Variants in TMCC1 observed in about 807,000 individuals in gnomAD.
TMCC1 encodes the protein transmembrane and coiled-coil domain family 1.
A neutral mutation model predicts 52.4 loss-of-function variants in TMCC1; 15 were observed. The observed-to-expected ratio is 0.29, with a 90% CI of 0.19 to 0.44. TMCC1 has a LOEUF of 0.44. TMCC1 is among the 20% of genes least tolerant of loss of function. The pLI, the probability that TMCC1 is intolerant of heterozygous loss-of-function variation, is 1.00. For missense variants in TMCC1, 503 were observed against 806.0 expected (o/e 0.62, Z 4.55); for synonymous variants, 279 against 301.9 (o/e 0.92, Z 0.79).
Position 129,651,486 on chromosome 3 carries a change from T to C in TMCC1, c.1957A>G (p.Arg653Gly). 6.2e-7 allele frequency: 1 copy of C among 1,613,156 alleles called. No individual in the cohort carries two copies. The highest frequency in any genetic ancestry group is 1.1e-5 in the South Asian group (1 of 91,012). The change falls in exon 7 of 7, where the codon AGA becomes GGA. Residue 653 changes from arginine (R) to glycine (G), a missense_variant. Arg to Gly is a moderately radical substitution (Grantham distance 125). Coordinates refer to ENST00000393238, the MANE Select transcript of TMCC1 (RefSeq NM_001017395.5). The surrounding 1 kb of genome is among the most constrained non-coding windows in gnomAD (Gnocchi z 5.1). ...SYVERFFSSPR is the reference protein window; with the variant it reads ...SYVERFFSSPG The stretch of plus-strand genomic sequence containing the variant: ...CAATGCCTTCTGTGCCAGCATCATC[T>C]AGGGGATGAAAAGAACCGTTCCACA...
At chr3:129,892,216 A>T (rs893829587) in intron 1 of TMCC1, among the ~76,000 whole-genome samples, 5 of 152,256 alleles carry the variant, frequency 3.3e-5, no homozygotes, top group African/African-American at 1.2e-4. Flanking sequence ...ATCTATAAGC[A>T]GCTCAAAACT....
At chr3:129,671,823 T>G (rs2087970810) in intron 4 of TMCC1, among the ~76,000 whole-genome samples, 1 of 152,194 alleles carries the variant, frequency 6.6e-6, no homozygotes, top group South Asian at 2.1e-4. Flanking sequence ...TGATGGATCA[T>G]TCTATATATT....
intron 2 of TMCC1, among the ~76,000 whole-genome samples, chr3:129,870,693 C>T (rs1343228487): frequency 2.7e-4 from 30 of 110,032 alleles, no homozygotes; most frequent in Non-Finnish European, 1.4e-4. Flanking sequence ...GAGCCCAGAT[C>T]GTGCCACTGC....
intron 4 of TMCC1, among the ~76,000 whole-genome samples, chr3:129,777,977 T>C (rs1250835889): frequency 6.6e-6 from 1 of 152,178 alleles, no homozygotes; most frequent in Non-Finnish European, 1.5e-5. Context: ...CACTACTTTC[T>C]ATTGATTTCC....
At chr3:129,822,021 CCACTA>C (rs1483338683) in intron 4 of TMCC1, among the ~76,000 whole-genome samples, 2 of 152,210 alleles carry the variant, frequency 1.3e-5, no homozygotes, top group Admixed American at 1.3e-4. Context: ...TGTGATCACA[CCACTA>C]CACTCCAGCC....
intron 1 of TMCC1, among the ~76,000 whole-genome samples, chr3:129,887,245 GA>G (rs920034381): frequency 2.8e-3 from 407 of 145,304 alleles, no homozygotes; most frequent in African/African-American, 5.9e-3. Context: ...TTTACCTTAA[GA>G]AAAAAAAAAA....
intron 1 of TMCC1, among the ~76,000 whole-genome samples, chr3:129,891,153 C>CTA (rs1408016586): frequency 1.3e-5 from 2 of 152,224 alleles, no homozygotes. Context: ...ATACCTTCTC[C>CTA]TTAATGAGGC....
chr3:129,728,114 T>C (rs1394075258), intron 4 of TMCC1, among the ~76,000 whole-genome samples: 2 of 152,196 alleles, frequency 1.3e-5, no homozygotes, highest in Non-Finnish European at 2.9e-5. Flanking sequence ...ATAATTCTTA[T>C]TATGTGACAG....
At chr3:129,863,190 T>C (rs1462286685) in intron 2 of TMCC1, among the ~76,000 whole-genome samples, 2 of 152,212 alleles carry the variant, frequency 1.3e-5, no homozygotes, top group Admixed American at 6.5e-5. Context: ...GTTGTATGCA[T>C]ACGTAAAAAT....
At chr3:129,833,729 T>G (rs2059029709) in intron 2 of TMCC1, among the ~76,000 whole-genome samples, 1 of 152,056 alleles carries the variant, frequency 6.6e-6, no homozygotes, top group Admixed American at 6.5e-5. Flanking sequence ...ACCCCATGTC[T>G]CTACCAAAAA....
intron 4 of TMCC1, among the ~76,000 whole-genome samples, chr3:129,735,574 A>G (rs111793622): frequency 6.6e-6 from 1 of 150,896 alleles, no homozygotes; most frequent in Non-Finnish European, 1.5e-5. Context: ...TCTTGAGCCC[A>G]GGAGTTCAAG....
At chr3:129,837,502 C>G (rs374120323) in intron 2 of TMCC1, among the ~76,000 whole-genome samples, 1 of 152,172 alleles carries the variant, frequency 6.6e-6, no homozygotes, top group Non-Finnish European at 1.5e-5. Flanking sequence ...AATGCCTGAA[C>G]AGATTAACAC....
intron 2 of TMCC1, among the ~76,000 whole-genome samples, chr3:129,840,891 G>C (rs954958172): frequency 1.3e-5 from 2 of 152,076 alleles, no homozygotes; most frequent in African/African-American, 4.8e-5. Context: ...CCAGAAAATT[G>C]GTACCAGGAA....
intron 4 of TMCC1, among the ~76,000 whole-genome samples, chr3:129,814,673 G>GA (rs1172390175): frequency 7.2e-5 from 11 of 152,032 alleles, no homozygotes; most frequent in Admixed American, 6.6e-4. Flanking sequence ...CTCCTACAAA[G>GA]ATACACATAG....
intron 4 of TMCC1, among the ~76,000 whole-genome samples, chr3:129,808,850 A>G (rs62265585): frequency 0.23 from 35,159 of 149,680 alleles, 6,744 homozygotes; most frequent in East Asian, 0.59. Context: ...GAAAATATTT[A>G]GATAAATTTC....
At chr3:129,818,276 C>T (rs2058206526) in intron 4 of TMCC1, among the ~76,000 whole-genome samples, 2 of 151,950 alleles carry the variant, frequency 1.3e-5, no homozygotes, top group African/African-American at 4.8e-5. Context: ...AAGAAAAATA[C>T]AAAACTTCTT....
intron 4 of TMCC1, among the ~76,000 whole-genome samples, chr3:129,732,583 C>T (rs572915466): frequency 1.3e-5 from 2 of 152,250 alleles, no homozygotes; most frequent in African/African-American, 4.8e-5. Flanking sequence ...ATTCCCCTTT[C>T]TCATTACCTA....
At chr3:129,798,121 A>G (rs376917900) in intron 4 of TMCC1, among the ~76,000 whole-genome samples, 158 of 150,800 alleles carry the variant, frequency 1.0e-3, no homozygotes, top group African/African-American at 3.4e-3. Context: ...TCAGCCTCCC[A>G]AGTAGCTGGG....
intron 4 of TMCC1, among the ~76,000 whole-genome samples, chr3:129,744,345 G>A (rs1006396150): frequency 2.0e-5 from 3 of 152,060 alleles, no homozygotes; most frequent in Admixed American, 6.6e-5. Context: ...AACAGACAGG[G>A]TCTCACTATG....
Sources: allele counts gnomAD v4.1 joint callset (sites outside exome capture counted in the v4.1 genomes callset), GRCh38; gene constraint gnomAD v4.1.1; non-coding constraint Gnocchi (gnomAD v3.1); transcripts MANE v1.5; gene names NCBI Gene and HGNC (gene_info 2026-07-23, HGNC 2026-07-21).